DPP10: variants seen among roughly 807,000 people sequenced by gnomAD.
DPP10 encodes inactive dipeptidyl peptidase 10.
Under a neutral mutation model 120.9 loss-of-function variants are expected in DPP10, and 33 were observed. The ratio of observed to expected loss-of-function variants is 0.27; its 90% confidence interval spans 0.21 to 0.37. The LOEUF (loss-of-function observed/expected upper bound fraction) is 0.37. Ranked by LOEUF, DPP10 falls within the 10% of genes least tolerant of loss-of-function variation. The pLI, the probability that DPP10 is intolerant of heterozygous loss-of-function variation, is 1.00. For missense variants in DPP10, 816 were observed against 942.8 expected, an observed-to-expected ratio of 0.87 and a Z score of 1.76; for synonymous variants, 337 against 326.1, an observed-to-expected ratio of 1.03 and a Z score of -0.36.
intron 1 of DPP10, among the ~76,000 whole-genome samples, chr2:114,467,345 G>C (rs142223735): frequency 3.9e-5 from 6 of 152,268 alleles, no homozygotes; most frequent in African/African-American, 1.4e-4. Context: ...AAGACAACCA[G>C]TTTTCAACAC....
chr2:114,721,893 G>T (rs563360892), intron 1 of DPP10, among the ~76,000 whole-genome samples: 4 of 152,182 alleles, frequency 2.6e-5, no homozygotes, highest in Non-Finnish European at 5.9e-5. Context: ...CTATCTGGGC[G>T]ACTTTTGGCA....
chr2:115,522,672 C>T (rs2077886717), intron 4 of DPP10, among the ~76,000 whole-genome samples: 1 of 151,852 alleles, frequency 6.6e-6, no homozygotes, highest in African/African-American at 2.4e-5. Context: ...ATTTTTATGC[C>T]CTTTGTACTA....
At chr2:115,381,904 G>T (rs1238293345) in intron 3 of DPP10, among the ~76,000 whole-genome samples, 1 of 152,096 alleles carries the variant, frequency 6.6e-6, no homozygotes, top group Admixed American at 6.5e-5. Context: ...GAGGCAGTCT[G>T]CCCGTTCTCA....
intron 1 of DPP10, among the ~76,000 whole-genome samples, chr2:114,982,616 A>G (rs1016527448): frequency 2.7e-5 from 4 of 150,412 alleles, no homozygotes; most frequent in East Asian, 3.9e-4. Context: ...TTTTTTTTTA[A>G]TTGACACAAG....
chr2:114,666,957 T>G (rs1697970082), intron 1 of DPP10, among the ~76,000 whole-genome samples: 1 of 152,240 alleles, frequency 6.6e-6, no homozygotes, highest in East Asian at 1.9e-4. Context: ...GTCTAGGAGT[T>G]AGGGAACATT....
At chr2:115,589,934 G>T (rs1393905787) in intron 5 of DPP10, among the ~76,000 whole-genome samples, 2 of 151,936 alleles carry the variant, frequency 1.3e-5, no homozygotes, top group African/African-American at 2.4e-5. Context: ...AGCAAACCAG[G>T]TACTGTAAAG....
intron 3 of DPP10, among the ~76,000 whole-genome samples, chr2:115,365,549 T>A (rs772026628): frequency 2.6e-5 from 4 of 152,068 alleles, no homozygotes; most frequent in Non-Finnish European, 4.4e-5. Context: ...TTTCTAAGAC[T>A]GGGATTCTTT....
At chr2:115,330,252 G>C (rs1326199917) in intron 2 of DPP10, among the ~76,000 whole-genome samples, 1 of 152,120 alleles carries the variant, frequency 6.6e-6, no homozygotes, top group African/African-American at 2.4e-5. Flanking sequence ...AGAAGTGTCT[G>C]TTCATATCTT....
At chr2:114,920,111 C>T (rs1281479120) in intron 1 of DPP10, among the ~76,000 whole-genome samples, 3 of 152,178 alleles carry the variant, frequency 2.0e-5, no homozygotes, top group Non-Finnish European at 4.4e-5. Context: ...TAAACTCCAT[C>T]TCTGAGTGGC....
intron 1 of DPP10, among the ~76,000 whole-genome samples, chr2:115,275,013 G>A (rs1355977270): frequency 6.6e-6 from 1 of 152,154 alleles, no homozygotes; most frequent in East Asian, 1.9e-4. Context: ...ATGGCATCTT[G>A]ACAAGGTGTT....
chr2:115,265,490 C>A (rs1039189487), intron 1 of DPP10, among the ~76,000 whole-genome samples: 1 of 151,850 alleles, frequency 6.6e-6, no homozygotes, highest in Admixed American at 6.6e-5. Context: ...ATTTTAATTG[C>A]AGTCCACTAA....
At chr2:115,579,975 C>G (rs62156706) in intron 5 of DPP10, 71,849 of 151,996 alleles carry the variant, frequency 0.47, 20,867 homozygotes, top group Non-Finnish European at 0.66. Context: ...CTCCCTCCCC[C>G]ACTCCACCCC....
At chr2:115,088,750 CAAAAAAA>C (rs70941027) in intron 1 of DPP10, among the ~76,000 whole-genome samples, 280 of 65,046 alleles carry the variant, frequency 4.3e-3, no homozygotes, top group African/African-American at 0.015. Flanking sequence ...CTGTGCCTGA[CAAAAAAA>C]AAAAAAAAAA....
At chr2:115,183,637 A>G (rs1359341976) in intron 1 of DPP10, among the ~76,000 whole-genome samples, 1 of 152,228 alleles carries the variant, frequency 6.6e-6, no homozygotes, top group Non-Finnish European at 1.5e-5. Flanking sequence ...GTTGATTGGT[A>G]TTTATAATAT....
chr2:115,573,369 G>A (rs952994455), intron 5 of DPP10, among the ~76,000 whole-genome samples: 31 of 140,428 alleles, frequency 2.2e-4, no homozygotes, highest in Non-Finnish European at 4.1e-4. Flanking sequence ...TGCAAGTTCC[G>A]CCTCCCGGGT....
chr2:115,195,208 A>G (rs1165351157), intron 1 of DPP10, among the ~76,000 whole-genome samples: 1 of 152,146 alleles, frequency 6.6e-6, no homozygotes, highest in African/African-American at 2.4e-5. Context: ...GTGGCTTTCA[A>G]GATAGTTCTT....
chr2:114,941,539 T>G (rs1375644877), intron 1 of DPP10, among the ~76,000 whole-genome samples: 1 of 152,228 alleles, frequency 6.6e-6, no homozygotes, highest in Non-Finnish European at 1.5e-5. Flanking sequence ...ATAAGCATAA[T>G]AATATTATTT....
intron 1 of DPP10, among the ~76,000 whole-genome samples, chr2:114,750,421 C>G (rs867412855): frequency 1.3e-5 from 2 of 151,876 alleles, no homozygotes; most frequent in African/African-American, 4.8e-5. Flanking sequence ...GCAAACTCTG[C>G]CTCCCAGGTT....
chr2:114,929,682 A>G lies in DPP10; in HGVS notation c.61-379557A>G, dbSNP rs138062941. ...TGCCCAGATTTCATATTGTTCACAC[A>G]TGTTTTACAAACAATTTGTGCAGTT... is the stretch of plus-strand genomic sequence containing the variant. On this transcript the variant is annotated intron_variant, in intron 1 of 25. Coordinates refer to ENST00000410059, the MANE Select transcript of DPP10 (RefSeq NM_020868.6). Among the ~76,000 whole-genome samples the G allele has an allele frequency of 4.1e-4, 63 of 152,272 alleles. 5 individuals are homozygous for G. Among genetic ancestry groups the G allele is most frequent in the African/African-American group, 1.4e-3 (60 of 41,554 alleles).
Sources: allele counts gnomAD v4.1 joint callset (sites outside exome capture counted in the v4.1 genomes callset), GRCh38; gene constraint gnomAD v4.1.1; transcripts MANE v1.5; gene names NCBI Gene and HGNC (gene_info 2026-07-23, HGNC 2026-07-21).